The following PCDH10 variants were observed in gnomAD, a reference collection of about 807,000 sequenced individuals.
PCDH10 encodes the protein protocadherin-10.
A neutral mutation model predicts 74.4 loss-of-function variants in PCDH10; 15 were observed. The observed-to-expected ratio is 0.20, with a 90% CI of 0.13 to 0.31. The LOEUF (loss-of-function observed/expected upper bound fraction) is 0.31. Among genes scored for constraint, PCDH10 ranks in the 10% least tolerant of loss-of-function variants. PCDH10 has a pLI of 1.00. For missense variants in PCDH10, 1,260 were observed against 1,390.2 expected, an observed-to-expected ratio of 0.91 and a Z score of 1.49; for synonymous variants, 619 against 589.8, an observed-to-expected ratio of 1.05 and a Z score of -0.72.
At chr4:133,179,253 A>G (rs971089249) in intron 4 of PCDH10, among the ~76,000 whole-genome samples, 3 of 152,174 alleles carry the variant, frequency 2.0e-5, no homozygotes, top group Non-Finnish European at 4.4e-5. Flanking sequence ...ACGAAAATCA[A>G]TGAGGACTCC....
intron 4 of PCDH10, among the ~76,000 whole-genome samples, chr4:133,177,206 T>G (rs1457120833): frequency 3.3e-5 from 5 of 152,132 alleles, no homozygotes; most frequent in Non-Finnish European, 7.4e-5. Flanking sequence ...ACCAAATATA[T>G]CTATATCTGT....
rs138450883 is a variant in PCDH10, at chr4:133,150,872, T to C, written c.732T>C (p.Asn244=). 1.8e-4 allele frequency: 294 copies of C among 1,605,304 alleles called. No individual in the cohort carries two copies. Among genetic ancestry groups the C allele is most frequent in the Non-Finnish European group, 2.4e-4 (283 of 1,176,364 alleles). ...TCACCATCCGAGTGCTGGACTCCAA[T>C]GACAATGTGCCCGCTTTCGACCAAC... ...ALLTIRVLDS[N]DNVPAFDQPV... is the part of the protein sequence containing the mutation. The change falls in exon 1 of 5, where the codon AAT becomes AAC. Residue 244 remains asparagine (N), a synonymous_variant. Coordinates refer to ENST00000264360, the MANE Select transcript of PCDH10 (RefSeq NM_032961.3).
At chr4:133,152,990 C>T in intron 1 of PCDH10, 3 of 1,441,406 alleles carry the variant, frequency 2.1e-6, no homozygotes, top group Non-Finnish European at 2.7e-6. Context: ...TTCATTCCGT[C>T]CCCTTGGTAC....
intron 2 of PCDH10, among the ~76,000 whole-genome samples, chr4:133,206,079 G>C (rs1315299009): frequency 6.6e-6 from 1 of 152,012 alleles, no homozygotes; most frequent in Non-Finnish European, 1.5e-5. Context: ...GGGTAATCTG[G>C]GTAACATTTA....
chr4:133,153,026 T>G, intron 1 of PCDH10: 2 of 1,429,348 alleles, frequency 1.4e-6, no homozygotes, highest in Admixed American at 6.2e-5. Flanking sequence ...CTCCCTCCTT[T>G]GCTCTTCCAT....
Position 133,150,208 on chromosome 4 carries a change from C to T in PCDH10, c.68C>T (p.Thr23Met). Residue 23 changes from threonine to methionine, a missense_variant, in exon 1 of 5, where the codon ACG becomes ATG. Thr to Met is a moderately conservative substitution (Grantham distance 81, BLOSUM62 -1). Around this residue, in one of 11 missense-constraint regions of PCDH10, gnomAD observed 103 missense variants for 91.5 expected, o/e 1.13. Coordinates refer to ENST00000264360, the MANE Select transcript of PCDH10 (RefSeq NM_032961.3). ...GGAGTCTTTTCCCAGCTTCACTACA[C>T]GGTACAGGAGGAGCAGGAACATGGC... is the stretch of plus-strand genomic sequence containing the variant. ...VEGVFSQLHY[T>M]VQEEQEHGTF... 4 of 1,611,056 alleles carry T rather than the reference C, an allele frequency of 2.5e-6. No homozygotes were observed. The highest frequency in any genetic ancestry group is 3.4e-6 in the Non-Finnish European group (4 of 1,178,720).
intron 4 of PCDH10, among the ~76,000 whole-genome samples, chr4:133,185,123 A>T (rs1463861156): frequency 6.7e-6 from 1 of 148,348 alleles, no homozygotes; most frequent in East Asian, 1.9e-4. Context: ...CACAGTAATC[A>T]TTTTTAACTT....
chr4:133,200,279 T>C (rs1727878652), intron 2 of PCDH10, among the ~76,000 whole-genome samples: 1 of 151,990 alleles, frequency 6.6e-6, no homozygotes, highest in South Asian at 2.1e-4. Context: ...AGTTTTTTTG[T>C]ATATATAACT....
rs753417550 is a variant in PCDH10, at chr4:133,163,224, G to A, written c.3045G>A (p.Arg1015=). Residue 1015 remains arginine (R), a synonymous_variant, in exon 4 of 5, where the codon AGG becomes AGA. Coordinates refer to ENST00000264360, the MANE Select transcript of PCDH10 (RefSeq NM_032961.3). The part of the protein sequence containing the change: ...KEKALHSTLE[R]KELDGLLTNT... ...AGGCCCTTCACAGCACTCTGGAGAGGAAGGAGCTGGATGGACTGCTGACTA... is the reference window on the plus strand; with the variant it reads ...AGGCCCTTCACAGCACTCTGGAGAGAAAGGAGCTGGATGGACTGCTGACTA... 1.2e-6 allele frequency: 2 copies of A among 1,614,096 alleles called. No individual in the cohort carries two copies. The highest frequency in any genetic ancestry group is 4.5e-5 in the East Asian group (2 of 44,868).
chr4:133,152,012 C>G lies in PCDH10; in HGVS notation c.1872C>G (p.Asn624Lys). 4 of 1,612,746 alleles carry G rather than the reference C, an allele frequency of 2.5e-6. No individual in the cohort carries two copies. Among genetic ancestry groups the G allele is most frequent in the South Asian group, 1.1e-5 (1 of 91,062 alleles). The stretch of plus-strand genomic sequence containing the variant: ...TCACTTACAGCATCGTGCGTGGCAA[C>G]GAAATGAACCTCTTTCGCATGGACT... ...ARLTYSIVRGNEMNLFRMDWR... is the reference protein window; with the variant it reads ...ARLTYSIVRGKEMNLFRMDWR... Residue 624 changes from asparagine to lysine, a missense_variant, in exon 1 of 5, where the codon AAC (asparagine) becomes AAG (lysine). By Grantham distance (94) the Asn-to-Lys change is moderately conservative. Transcript: ENST00000264360.
chr4:133,186,639 AT>A (rs973389487), intron 4 of PCDH10, among the ~76,000 whole-genome samples: 2 of 151,842 alleles, frequency 1.3e-5, no homozygotes, highest in African/African-American at 4.8e-5. Flanking sequence ...ATCAATTAAT[AT>A]TTTTTTTGTG....
intron 4 of PCDH10, among the ~76,000 whole-genome samples, chr4:133,172,941 T>G (rs1017598933): frequency 6.6e-6 from 1 of 152,010 alleles, no homozygotes. Flanking sequence ...TGGAGTTCTC[T>G]TTATGGCTAG....
chr4:133,192,068 AAT>A lies in PCDH10; in HGVS notation c.*1913_*1914del, dbSNP rs1300433176. On this transcript the variant is annotated 3_prime_UTR_variant, in exon 5 of 5. Coordinates refer to ENST00000264360, the MANE Select transcript of PCDH10 (RefSeq NM_032961.3). ...TTTGACTGTTATCAAATTAGATATT[AAT>A]ATATCATATTCCAATCAGTTCATAT... 1 of 151,416 alleles carries A rather than the reference AAT, an allele frequency of 6.6e-6. No individual in the cohort carries two copies. The highest frequency in any genetic ancestry group is 1.5e-5 in the Non-Finnish European group (1 of 67,640). 9.4% of individuals were successfully genotyped at this position (151,416 alleles called of 1,614,324 possible).
intron 2 of PCDH10, among the ~76,000 whole-genome samples, chr4:133,201,277 T>G (rs542183020): frequency 6.6e-6 from 1 of 152,302 alleles, no homozygotes; most frequent in African/African-American, 2.4e-5. Context: ...ATGTAAAGGA[T>G]AGTTTAATTA....
At chr4:133,203,299 T>C (rs146640466) in intron 2 of PCDH10, among the ~76,000 whole-genome samples, 133 of 152,282 alleles carry the variant, frequency 8.7e-4, no homozygotes, top group Non-Finnish European at 1.1e-3. Context: ...TATTCAAGAT[T>C]CCTTCCTTCT....
In PCDH10 at chr4:133,150,352, G is replaced by A. The variant is rs1349157940; in HGVS notation, c.212G>A (p.Gly71Glu). 1 of 1,613,750 alleles carries A rather than the reference G, an allele frequency of 6.2e-7. No individual in the cohort carries two copies. Among genetic ancestry groups the A allele is most frequent in the Non-Finnish European group, 8.5e-7 (1 of 1,179,904 alleles). ...TACTTAGACCTCAACCTGGAGACAG[G>A]GGTGCTGTACGTGAACGAGAAAATA... ...TPYLDLNLET[G>E]VLYVNEKIDR... Residue 71 changes from glycine to glutamate, a missense_variant, in exon 1 of 5, where the codon GGG becomes GAG. Physicochemically the swap from Gly to Glu is moderately conservative, Grantham distance 98. Around this residue, in one of 11 missense-constraint regions of PCDH10, gnomAD observed 103 missense variants for 91.5 expected, o/e 1.13. Coordinates refer to ENST00000264360, the MANE Select transcript of PCDH10 (RefSeq NM_032961.3).
At position 133,150,831 on chromosome 4, in the gene PCDH10, A is replaced by T. The variant is rs1560702090; in HGVS notation, c.691A>T (p.Thr231Ser). The change falls in exon 1 of 5, where the codon ACC becomes TCC. Residue 231 changes from threonine to serine, a missense_variant. Thr to Ser is a moderately conservative substitution (Grantham distance 58). Around this residue, in one of 11 missense-constraint regions of PCDH10, gnomAD observed 192 missense variants for 161.2 expected, o/e 1.19. Coordinates refer to ENST00000264360, the MANE Select transcript of PCDH10 (RefSeq NM_032961.3). ...GAGLPPQQQR[T>S]GTALLTIRVL... ...AGGCCTGCCCCCCCAGCAGCAGCGC[A>T]CCGGCACGGCCCTACTCACCATCCG... 6.3e-7 allele frequency: 1 copy of T among 1,592,012 alleles called. No individual in the cohort carries two copies. The highest frequency in any genetic ancestry group is 2.2e-5 in the East Asian group (1 of 44,620).
chr4:133,155,789 C>A (rs969658903), intron 3 of PCDH10, among the ~76,000 whole-genome samples: 1 of 152,016 alleles, frequency 6.6e-6, no homozygotes, highest in African/African-American at 2.4e-5. Flanking sequence ...TTTATGAGAT[C>A]CTGGTAACTC....
In PCDH10 at chr4:133,205,823, T is replaced by C. The variant is rs146340072; in HGVS notation, n.438-2253T>C. 1.5e-4 allele frequency among the ~76,000 whole-genome samples: 23 copies of C among 152,284 alleles called. No homozygotes were observed. The East Asian group carries it at 3.5e-3, about 23-fold the overall frequency. On this transcript the variant is annotated intron_variant and non_coding_transcript_variant, in intron 2 of 2. Transcript: ENST00000511112. ...CTAAGAGTTCTTCTTGTTTTCAGAA[T>C]GTTCCTCTTTTAAAGTATTTTTAAC... is the stretch of plus-strand genomic sequence containing the variant.
Sources: gnomAD v4.1 joint callset for allele counts (sites outside exome capture counted in the v4.1 genomes callset) on GRCh38, gnomAD v4.1.1 for gene constraint, gnomAD v4.1.1 regional missense constraint, MANE v1.5 for transcripts, NCBI Gene and HGNC (gene_info 2026-07-23, HGNC 2026-07-21) for gene names.